Variants in ATRNL1 observed in about 807,000 individuals in gnomAD.
The protein encoded by ATRNL1 is attractin-like protein 1.
Under a neutral mutation model 182.7 loss-of-function variants are expected in ATRNL1, and 95 were observed. The observed-to-expected ratio is 0.52, with a 90% CI of 0.44 to 0.62. ATRNL1 has a LOEUF of 0.62. ATRNL1 is among the 20% of genes least tolerant of loss of function. The pLI, the probability that ATRNL1 is intolerant of heterozygous loss-of-function variation, is 0.00. For synonymous variants in ATRNL1, 576 were observed against 568.3 expected (o/e 1.01, Z -0.19); for missense variants, 1,471 against 1,679.5 (o/e 0.88, Z 2.17).
intron 20 of ATRNL1, among the ~76,000 whole-genome samples, chr10:115,417,302 G>A (rs930351930): frequency 1.3e-5 from 2 of 152,120 alleles, no homozygotes; most frequent in African/African-American, 4.8e-5. Context: ...CCTGTGGCTC[G>A]ACTCCAGCCC....
intron 21 of ATRNL1, among the ~76,000 whole-genome samples, chr10:115,426,567 A>G (rs1845907820): frequency 6.6e-6 from 1 of 152,180 alleles, no homozygotes; most frequent in African/African-American, 2.4e-5. Context: ...AACTCATGTG[A>G]TTTTAATGTA....
At chr10:115,824,579 A>G (rs1052763509) in intron 27 of ATRNL1, among the ~76,000 whole-genome samples, 4 of 152,124 alleles carry the variant, frequency 2.6e-5, no homozygotes, top group African/African-American at 9.7e-5. Flanking sequence ...ACTTACAAGA[A>G]AAAAAAACCC....
chr10:115,384,521 T>C (rs1554952121), intron 19 of ATRNL1, among the ~76,000 whole-genome samples: 3 of 152,102 alleles, frequency 2.0e-5, no homozygotes, highest in African/African-American at 7.2e-5. Context: ...TCTGCTTCTA[T>C]AAAATGAAAG....
At chr10:115,476,951 A>AT (rs1255245559) in intron 24 of ATRNL1, among the ~76,000 whole-genome samples, 68 of 151,468 alleles carry the variant, frequency 4.5e-4, no homozygotes, top group African/African-American at 1.2e-3. Context: ...GAAACTACAT[A>AT]TTTTTTTGTA....
chr10:115,540,113 G>T (rs1387960340), intron 25 of ATRNL1, among the ~76,000 whole-genome samples: 1 of 122,740 alleles, frequency 8.1e-6, no homozygotes, highest in African/African-American at 2.7e-5. Flanking sequence ...ATTTACCCTA[G>T]AACTTAAAGT....
intron 26 of ATRNL1, among the ~76,000 whole-genome samples, chr10:115,555,689 A>G (rs556644842): frequency 6.6e-6 from 1 of 152,042 alleles, no homozygotes; most frequent in South Asian, 2.1e-4. Flanking sequence ...TAACTGGAAA[A>G]TATATGACAT....
chr10:115,478,046 A>G (rs1222838157), intron 24 of ATRNL1, among the ~76,000 whole-genome samples: 3 of 151,698 alleles, frequency 2.0e-5, no homozygotes, highest in African/African-American at 7.2e-5. Flanking sequence ...ATTACAAGTG[A>G]TAGGATTGAG....
chr10:115,540,251 A>G (rs1371807031), intron 25 of ATRNL1, among the ~76,000 whole-genome samples: 1 of 152,062 alleles, frequency 6.6e-6, no homozygotes, highest in African/African-American at 2.4e-5. Context: ...TGGAGAACTG[A>G]GCTCATAGAT....
At chr10:115,929,029 T>G (rs76050051) in intron 28 of ATRNL1, among the ~76,000 whole-genome samples, 7,385 of 152,102 alleles carry the variant, frequency 0.049, 321 homozygotes, top group East Asian at 0.15. Context: ...CAAAGCCCAT[T>G]TTGAATACTG....
chr10:115,532,035 T>G (rs112806604), intron 25 of ATRNL1, among the ~76,000 whole-genome samples: 5 of 151,028 alleles, frequency 3.3e-5, no homozygotes, highest in African/African-American at 4.8e-5. Context: ...ACTGTAGCCT[T>G]GTAGTATAGT....
At chr10:115,352,319 C>A (rs1856297362) in intron 19 of ATRNL1, among the ~76,000 whole-genome samples, 1 of 151,674 alleles carries the variant, frequency 6.6e-6, no homozygotes, top group Non-Finnish European at 1.5e-5. Context: ...GTGCTCTAGT[C>A]TTTATTAGTT....
chr10:115,422,855 C>T (rs1204048772), intron 20 of ATRNL1, among the ~76,000 whole-genome samples: 1 of 152,216 alleles, frequency 6.6e-6, no homozygotes, highest in East Asian at 1.9e-4. Flanking sequence ...CAACAGACAC[C>T]AGAACCTACT....
At chr10:115,541,744 A>G (rs537163474) in intron 25 of ATRNL1, among the ~76,000 whole-genome samples, 7 of 152,326 alleles carry the variant, frequency 4.6e-5, no homozygotes, top group South Asian at 2.1e-4. Context: ...AAAAAATACT[A>G]TAGTGTTATA....
chr10:115,127,780 G>A, intron 4 of ATRNL1, 59 bp downstream of exon 4: 1 of 1,201,684 alleles, frequency 8.3e-7, no homozygotes. Flanking sequence ...TGTAAAAGAG[G>A]TTTTTTTTGT....
chr10:115,252,257 G>A (rs1250314421), intron 10 of ATRNL1, among the ~76,000 whole-genome samples: 1 of 152,076 alleles, frequency 6.6e-6, no homozygotes, highest in Non-Finnish European at 1.5e-5. Context: ...TCGAACTCTT[G>A]ACCTTGTGAT....
intron 25 of ATRNL1, among the ~76,000 whole-genome samples, chr10:115,537,681 C>T (rs1374822136): frequency 1.5e-5 from 2 of 137,338 alleles, no homozygotes; most frequent in African/African-American, 5.5e-5. Flanking sequence ...CCTTTTTTTC[C>T]AGCATTTTTT....
rs371202869 is a variant in ATRNL1, at chr10:115,927,158, CA to C, written c.4019-17495del. ...TCCATCACATAAACAGAACTAAAGA[CA>C]AAAACCACATGATTATCTCAATAGA... On this transcript the variant is annotated intron_variant, in intron 28 of 28. Transcript: ENST00000355044. Among the ~76,000 whole-genome samples, 34 of 152,194 alleles carry C rather than the reference CA, an allele frequency of 2.2e-4. No homozygotes were observed. In the East Asian group the frequency reaches 5.2e-3, roughly 23 times the overall value.
intron 27 of ATRNL1, among the ~76,000 whole-genome samples, chr10:115,731,927 T>C (rs1593139633): frequency 6.6e-6 from 1 of 152,046 alleles, no homozygotes. Context: ...GTGTGATCTT[T>C]TGTGATTAGC....
intron 28 of ATRNL1, among the ~76,000 whole-genome samples, chr10:115,917,263 G>A (rs1188939940): frequency 4.6e-5 from 7 of 151,930 alleles, no homozygotes; most frequent in African/African-American, 1.5e-4. Context: ...TCAGGAGATC[G>A]AGACCATCCT....
Sources: gnomAD v4.1 joint callset for allele counts (sites outside exome capture counted in the v4.1 genomes callset) on GRCh38, gnomAD v4.1.1 for gene constraint, MANE v1.5 for transcripts, NCBI Gene and HGNC (gene_info 2026-07-23, HGNC 2026-07-21) for gene names.